MPP7: variants seen among roughly 807,000 people sequenced by gnomAD.
The protein encoded by MPP7 is MAGUK p55 subfamily member 7.
MPP7 carries 60 observed loss-of-function variants against 76.5 expected under a neutral mutation model. The observed-to-expected ratio is 0.78, with a 90% CI of 0.64 to 0.97. The LOEUF is 0.97. Among genes scored for constraint, MPP7 ranks in the 50% least tolerant of loss-of-function variants. MPP7 has a pLI of 0.00. For missense variants in MPP7, 641 were observed against 694.0 expected, an observed-to-expected ratio of 0.92 and a Z score of 0.86; for synonymous variants, 237 against 244.5, an observed-to-expected ratio of 0.97 and a Z score of 0.29.
intron 2 of MPP7, among the ~76,000 whole-genome samples, chr10:28,237,250 T>G (rs746286275): frequency 3.3e-5 from 5 of 152,224 alleles, no homozygotes; most frequent in Non-Finnish European, 7.3e-5. Flanking sequence ...CACATAAATT[T>G]TATCCATAAT....
chr10:28,140,463 A>G (rs866377842), intron 5 of MPP7, among the ~76,000 whole-genome samples: 9 of 152,176 alleles, frequency 5.9e-5, no homozygotes, highest in Non-Finnish European at 1.2e-4. Flanking sequence ...GGGAGCTGAG[A>G]TCGCGCCACT....
chr10:28,220,146 T>C (rs1361386832), intron 2 of MPP7, among the ~76,000 whole-genome samples: 3 of 151,580 alleles, frequency 2.0e-5, no homozygotes, highest in African/African-American at 4.8e-5. Flanking sequence ...CAGGGGAACA[T>C]GCATACAACT....
At chr10:28,255,864 G>A (rs1413905) in intron 1 of MPP7, among the ~76,000 whole-genome samples, 43,115 of 152,050 alleles carry the variant, frequency 0.28, 6,299 homozygotes, top group East Asian at 0.34. Context: ...GTACTCATTA[G>A]TGGTATCCTA....
intron 4 of MPP7, among the ~76,000 whole-genome samples, chr10:28,149,691 A>G (rs1031124990): frequency 6.7e-6 from 1 of 150,088 alleles, no homozygotes; most frequent in African/African-American, 2.5e-5. Context: ...TCAGAACACC[A>G]ACAGCTGACA....
At chr10:28,169,847 A>T (rs889197419) in intron 3 of MPP7, among the ~76,000 whole-genome samples, 2 of 152,186 alleles carry the variant, frequency 1.3e-5, no homozygotes, top group African/African-American at 4.8e-5. Flanking sequence ...TGGGTTTTCC[A>T]TACAGAGATA....
chr10:28,197,250 T>G (rs1564694674), intron 3 of MPP7, among the ~76,000 whole-genome samples: 1 of 148,606 alleles, frequency 6.7e-6, no homozygotes, highest in Non-Finnish European at 1.5e-5. Context: ...TGGCACGATC[T>G]CAGCTCACTG....
chr10:28,088,476 T>C (rs571003673), intron 12 of MPP7, among the ~76,000 whole-genome samples: 1 of 152,130 alleles, frequency 6.6e-6, no homozygotes, highest in African/African-American at 2.4e-5. Flanking sequence ...CCTGCTGCCA[T>C]GTGAAGCCCG....
intron 3 of MPP7, among the ~76,000 whole-genome samples, chr10:28,187,894 G>A (rs1837288310): frequency 6.6e-6 from 1 of 152,098 alleles, no homozygotes; most frequent in African/African-American, 2.4e-5. Flanking sequence ...TACTTTCTAT[G>A]CAAATCTCAT....
chr10:28,208,709 C>T (rs1246003581), intron 2 of MPP7, among the ~76,000 whole-genome samples: 2 of 152,204 alleles, frequency 1.3e-5, no homozygotes, highest in Admixed American at 1.3e-4. Flanking sequence ...AAGAGAAATA[C>T]TTAAAGGGCC....
chr10:28,153,321 GAGA>G (rs752563345), intron 3 of MPP7, among the ~76,000 whole-genome samples: 79 of 152,266 alleles, frequency 5.2e-4, no homozygotes, highest in Non-Finnish European at 1.0e-3. Context: ...GGAGGAAGCA[GAGA>G]AGGAGATGAG....
intron 2 of MPP7, among the ~76,000 whole-genome samples, chr10:28,206,270 T>A (rs1222333861): frequency 6.6e-6 from 1 of 152,188 alleles, no homozygotes; most frequent in Non-Finnish European, 1.5e-5. Flanking sequence ...GGTCTTATCA[T>A]CTTAGATGAC....
chr10:28,063,277 T>A (rs1306174319), intron 13 of MPP7, among the ~76,000 whole-genome samples: 1 of 151,936 alleles, frequency 6.6e-6, no homozygotes, highest in Non-Finnish European at 1.5e-5. Context: ...CTGGCCAATA[T>A]GGTGAAACCC....
upstream of MPP7, chr10:28,307,768 A>C (rs1841267204): frequency 6.6e-6 from 1 of 152,196 alleles, no homozygotes. Context: ...CCATGCAGCC[A>C]AGCTATGGAA....
At chr10:28,100,034 T>G (rs142342692) in intron 11 of MPP7, among the ~76,000 whole-genome samples, 1 of 151,648 alleles carries the variant, frequency 6.6e-6, no homozygotes, top group East Asian at 1.9e-4. Context: ...CGGATTCATT[T>G]GACCAAGCAA....
intron 3 of MPP7, among the ~76,000 whole-genome samples, chr10:28,156,113 G>C (rs556228993): frequency 1.3e-5 from 2 of 152,204 alleles, no homozygotes; most frequent in South Asian, 4.1e-4. Context: ...TTTACTGAGA[G>C]TCTTGAAGTC....
intron 2 of MPP7, among the ~76,000 whole-genome samples, chr10:28,206,417 A>G (rs1328107220): frequency 6.6e-6 from 1 of 152,006 alleles, no homozygotes; most frequent in Non-Finnish European, 1.5e-5. Context: ...CTAATTAATT[A>G]TTAACATCTG....
intron 11 of MPP7, among the ~76,000 whole-genome samples, chr10:28,117,012 G>A (rs1430984917): frequency 6.6e-6 from 1 of 152,094 alleles, no homozygotes; most frequent in Non-Finnish European, 1.5e-5. Flanking sequence ...AAGACAGTAA[G>A]ATTGGGATGT....
chr10:28,213,052 G>A (rs1185365033), intron 2 of MPP7, among the ~76,000 whole-genome samples: 2 of 152,050 alleles, frequency 1.3e-5, no homozygotes, highest in East Asian at 3.9e-4. Context: ...TAATCCTCCT[G>A]CCTCAGCCTC....
intron 15 of MPP7, among the ~76,000 whole-genome samples, chr10:28,057,386 T>G (rs1299059994): frequency 2.0e-5 from 3 of 152,130 alleles, no homozygotes; most frequent in African/African-American, 7.2e-5. Context: ...CTTGGTGCTG[T>G]CATCACAATA....
Sources: gnomAD v4.1 joint callset for allele counts (sites outside exome capture counted in the v4.1 genomes callset) on GRCh38, gnomAD v4.1.1 for gene constraint, MANE v1.5 for transcripts, NCBI Gene and HGNC (gene_info 2026-07-23, HGNC 2026-07-21) for gene names.